PTPRD: variants seen among roughly 807,000 people sequenced by gnomAD.
PTPRD encodes the protein receptor-type tyrosine-protein phosphatase delta.
PTPRD carries 34 observed loss-of-function variants against 214.5 expected under a neutral mutation model. The ratio of observed to expected loss-of-function variants is 0.16; its 90% CI spans 0.12 to 0.21. PTPRD has a LOEUF of 0.21. Ranked by LOEUF, PTPRD falls within the 10% of genes least tolerant of loss-of-function variation. The pLI, the probability that PTPRD is intolerant of heterozygous loss-of-function variation, is 1.00. For missense variants in PTPRD, 2,545 were observed against 2,398.7 expected, an observed-to-expected ratio of 1.06 and a Z score of -1.27; for synonymous variants, 1,128 against 845.7, an observed-to-expected ratio of 1.33 and a Z score of -5.79.
chr9:9,817,786 G>T (rs1434831481), intron 5 of PTPRD, among the ~76,000 whole-genome samples: 1 of 152,172 alleles, frequency 6.6e-6, no homozygotes, highest in East Asian at 1.9e-4. Flanking sequence ...TGCTTTAGCA[G>T]TGTCAAAAAG....
chr9:10,321,715 G>A (rs10959042), intron 3 of PTPRD, among the ~76,000 whole-genome samples: 1 of 151,884 alleles, frequency 6.6e-6, no homozygotes, highest in Admixed American at 6.6e-5. Context: ...TATTTATGTA[G>A]GTCACATTTA....
At chr9:9,749,523 ATATT>A (rs1447190209) in intron 6 of PTPRD, among the ~76,000 whole-genome samples, 1 of 152,170 alleles carries the variant, frequency 6.6e-6, no homozygotes, top group Non-Finnish European at 1.5e-5. Flanking sequence ...ACATTATCAG[ATATT>A]TATTATTATC....
intron 11 of PTPRD, among the ~76,000 whole-genome samples, chr9:8,921,069 C>A (rs2098824330): frequency 6.6e-6 from 1 of 152,162 alleles, no homozygotes; most frequent in Non-Finnish European, 1.5e-5. Context: ...GCGCCTCGGC[C>A]TCCCAAAGTG....
At chr9:9,051,102 T>G (rs185548431) in intron 10 of PTPRD, among the ~76,000 whole-genome samples, 2 of 152,176 alleles carry the variant, frequency 1.3e-5, no homozygotes, top group Non-Finnish European at 2.9e-5. Context: ...TATATAGTCT[T>G]CCAGCTATCA....
chr9:8,770,847 T>C (rs1489892899), intron 11 of PTPRD, among the ~76,000 whole-genome samples: 7 of 152,288 alleles, frequency 4.6e-5, no homozygotes, highest in Admixed American at 3.3e-4. Context: ...TCAGCATTCA[T>C]TGAACGGAGT....
chr9:9,763,898 C>T (rs1016783919), intron 6 of PTPRD, among the ~76,000 whole-genome samples: 9 of 149,814 alleles, frequency 6.0e-5, no homozygotes, highest in Admixed American at 4.0e-4. Flanking sequence ...TCTTGACGAC[C>T]TCTCACCCTC....
chr9:10,352,091 T>C (rs192513355), intron 2 of PTPRD, among the ~76,000 whole-genome samples: 39 of 152,188 alleles, frequency 2.6e-4, no homozygotes, highest in Middle Eastern at 3.4e-3. Context: ...CTCTGGACTC[T>C]GCTTGTAGTT....
rs1841308779 is a variant in PTPRD, at chr9:8,331,719, T to C, written c.5397A>G (p.Thr1799=). 1.2e-6 allele frequency: 2 copies of C among 1,606,818 alleles called. No homozygotes were observed. The highest frequency in any genetic ancestry group is 1.3e-5 in the African/African-American group (1 of 74,632). Residue 1799 remains threonine (T), a synonymous_variant, in exon 44 of 46, where the codon ACA becomes ACG. Coordinates refer to ENST00000381196, the MANE Select transcript of PTPRD (RefSeq NM_002839.4). ...VTDARDGQSR[T]VRQFQFTDWP... is the part of the protein sequence containing the mutation. ...AGTCAGTGAACTGGAACTGCCTTACTGTTCGGGACTGGCCGTCCTTTAGAA... is the reference window on the plus strand; with the variant it reads ...AGTCAGTGAACTGGAACTGCCTTACCGTTCGGGACTGGCCGTCCTTTAGAA...
chr9:8,444,201 C>T (rs1410718212), intron 34 of PTPRD, among the ~76,000 whole-genome samples: 1 of 152,062 alleles, frequency 6.6e-6, no homozygotes, highest in Non-Finnish European at 1.5e-5. Context: ...TGAGTAATAA[C>T]CTAGCCTCCA....
intron 14 of PTPRD, among the ~76,000 whole-genome samples, chr9:8,578,363 C>T (rs949136816): frequency 6.6e-6 from 1 of 152,030 alleles, no homozygotes; most frequent in African/African-American, 2.4e-5. Context: ...CACCCTCCAA[C>T]CCCTATATAT....
chr9:9,247,258 C>A (rs541744775), intron 9 of PTPRD, among the ~76,000 whole-genome samples: 1 of 152,130 alleles, frequency 6.6e-6, no homozygotes, highest in African/African-American at 2.4e-5. Context: ...AGAACCTGCA[C>A]AGACAAGCCT....
In PTPRD at chr9:9,193,620, C is replaced by T. The variant is rs576709636; in HGVS notation, c.-202-10257G>A. Among the ~76,000 whole-genome samples the T allele has an allele frequency of 2.9e-3, 436 of 152,210 alleles. 4 individuals are homozygous for T. The highest frequency in any genetic ancestry group is 0.01 in the African/African-American group (417 of 41,534). On this transcript the variant is annotated intron_variant, in intron 9 of 45. Coordinates refer to ENST00000381196, the MANE Select transcript of PTPRD (RefSeq NM_002839.4). Reference sequence around the variant, plus strand: ...CTGAATACTGTAGGCAACTGTAACACAATGGCAAGTATTTTTGTATCTAAA... The same window carrying T: ...CTGAATACTGTAGGCAACTGTAACATAATGGCAAGTATTTTTGTATCTAAA...
chr9:9,528,088 A>G (rs2074562579), intron 8 of PTPRD, among the ~76,000 whole-genome samples: 1 of 152,240 alleles, frequency 6.6e-6, no homozygotes, highest in African/African-American at 2.4e-5. Flanking sequence ...AATTGAGGAA[A>G]CAGAAATCAA....
intron 9 of PTPRD, among the ~76,000 whole-genome samples, chr9:9,340,973 C>T (rs2046563949): frequency 1.3e-5 from 2 of 152,124 alleles, no homozygotes; most frequent in Non-Finnish European, 1.5e-5. Flanking sequence ...ATACAAGTTT[C>T]ATTCTCTTCA....
intron 6 of PTPRD, among the ~76,000 whole-genome samples, chr9:9,753,348 A>G (rs1243554515): frequency 1.3e-5 from 2 of 151,974 alleles, no homozygotes; most frequent in African/African-American, 2.4e-5. Flanking sequence ...TGTGTTATGA[A>G]GTGAATTATA....
At position 8,643,247 on chromosome 9, in the gene PTPRD, A is replaced by T. The variant is rs75341081; in HGVS notation, c.65-6403T>A. 4.7e-3 allele frequency among the ~76,000 whole-genome samples: 709 copies of T among 152,280 alleles called. 4 individuals carry two copies. The highest frequency in any genetic ancestry group is 0.016 in the African/African-American group (678 of 41,554). ...CCATGCACTAGACTAAATGTTTAATATATCTTATATACGGTGTTTTCAAAG... is the reference window on the plus strand; with the variant it reads ...CCATGCACTAGACTAAATGTTTAATTTATCTTATATACGGTGTTTTCAAAG... On this transcript the variant is annotated intron_variant, in intron 12 of 45. Transcript: ENST00000381196.
At chr9:9,523,667 A>T (rs1248623190) in intron 8 of PTPRD, among the ~76,000 whole-genome samples, 1 of 152,028 alleles carries the variant, frequency 6.6e-6, no homozygotes, top group African/African-American at 2.4e-5. Context: ...AGTTCGACTC[A>T]TTTACTTGAG....
intron 10 of PTPRD, among the ~76,000 whole-genome samples, chr9:9,079,250 T>A (rs2099755596): frequency 6.6e-6 from 1 of 152,100 alleles, no homozygotes; most frequent in Non-Finnish European, 1.5e-5. Flanking sequence ...TTCTACTGTT[T>A]ACTTACATTA....
chr9:8,592,704 G>A (rs968640728), intron 14 of PTPRD, among the ~76,000 whole-genome samples: 1 of 152,196 alleles, frequency 6.6e-6, no homozygotes, highest in Non-Finnish European at 1.5e-5. Flanking sequence ...GATAATTGGT[G>A]TCTCGAAGCA....
Sources: gnomAD v4.1 joint callset for allele counts (sites outside exome capture counted in the v4.1 genomes callset) on GRCh38, gnomAD v4.1.1 for gene constraint, MANE v1.5 for transcripts, NCBI Gene and HGNC (gene_info 2026-07-23, HGNC 2026-07-21) for gene names.